Variants in RYR2 observed in about 807,000 individuals in gnomAD.
The protein encoded by RYR2 is ryanodine receptor 2.
In RYR2, 227 loss-of-function variants were observed where a neutral mutation model predicts 601.1. The observed-to-expected ratio is 0.38, with a 90% CI of 0.34 to 0.42. RYR2 has a LOEUF of 0.42. RYR2 is among the 10% of genes least tolerant of loss of function. The probability of loss-of-function intolerance (pLI) is 1.00; values close to 1 mark genes in which losing one functional copy is unlikely to be tolerated. For synonymous variants in RYR2, 2,223 were observed against 2,175.1 expected, an observed-to-expected ratio of 1.02 and a Z score of -0.61; for missense variants, 4,646 against 6,156.5, an observed-to-expected ratio of 0.75 and a Z score of 8.21.
At chr1:237,356,608 C>T (rs959992168) in intron 4 of RYR2, among the ~76,000 whole-genome samples, 3 of 151,938 alleles carry the variant, frequency 2.0e-5, no homozygotes, top group East Asian at 1.9e-4. Flanking sequence ...TGTAGAAAAA[C>T]GCAGTTACAG....
chr1:237,496,250 AAAAG>A (rs1482706115), intron 19 of RYR2, among the ~76,000 whole-genome samples: 4 of 152,136 alleles, frequency 2.6e-5, no homozygotes, highest in African/African-American at 7.2e-5. Context: ...CTAAAAATAA[AAAAG>A]AAAATTAGTT....
intron 92 of RYR2, among the ~76,000 whole-genome samples, chr1:237,790,248 A>C (rs1041647869): frequency 3.3e-5 from 5 of 152,136 alleles, no homozygotes; most frequent in African/African-American, 1.2e-4. Context: ...CCAAATTCAG[A>C]AGGTATCATC....
intron 14 of RYR2, among the ~76,000 whole-genome samples, chr1:237,454,158 G>T (rs1440444112): frequency 6.6e-6 from 1 of 152,060 alleles, no homozygotes; most frequent in Non-Finnish European, 1.5e-5. Flanking sequence ...TAGCCTATGA[G>T]GTTATTCTCT....
intron 68 of RYR2, among the ~76,000 whole-genome samples, chr1:237,708,345 C>G (rs1688553107): frequency 6.6e-6 from 1 of 152,052 alleles, no homozygotes; most frequent in African/African-American, 2.4e-5. Flanking sequence ...GGAAAAAAGT[C>G]ATTTTAAAAA....
intron 1 of RYR2, among the ~76,000 whole-genome samples, chr1:237,189,660 A>G (rs944755407): frequency 7.9e-5 from 12 of 152,180 alleles, no homozygotes; most frequent in African/African-American, 2.9e-4. Flanking sequence ...AGGGCCTCCA[A>G]CAGAAATTGA....
intron 84 of RYR2, among the ~76,000 whole-genome samples, chr1:237,763,572 C>A (rs1187563212): frequency 6.6e-6 from 1 of 152,184 alleles, no homozygotes; most frequent in African/African-American, 2.4e-5. Flanking sequence ...AACTAATATA[C>A]TAGCAAAGAT....
chr1:237,694,033 G>A (rs926974631), intron 63 of RYR2, among the ~76,000 whole-genome samples: 3 of 152,256 alleles, frequency 2.0e-5, no homozygotes, highest in Middle Eastern at 3.4e-3. Flanking sequence ...GGTGGCTCAC[G>A]CCTGTAATCC....
At chr1:237,168,308 G>T (rs1039117162) in intron 1 of RYR2, among the ~76,000 whole-genome samples, 2 of 152,014 alleles carry the variant, frequency 1.3e-5, no homozygotes, top group African/African-American at 4.8e-5. Context: ...CTTCATGCAG[G>T]GGGTGCTGGG....
chr1:237,328,453 C>T (rs1696377927), intron 2 of RYR2, among the ~76,000 whole-genome samples: 1 of 152,144 alleles, frequency 6.6e-6, no homozygotes, highest in Non-Finnish European at 1.5e-5. Flanking sequence ...GTCTGGCCAA[C>T]TGCAGACTTT....
chr1:237,614,407 G>A lies in RYR2; in HGVS notation c.5279G>A (p.Arg1760Gln), dbSNP rs765106198. ...GGCCTCAGCACCTCCCTCAGGCCAC[G>A]GATGCAGTTTTCCTCCCCCAGTTTT... The part of the protein sequence containing the change: ...GIGLSTSLRP[R>Q]MQFSSPSFVS... The change falls in exon 37 of 105, where the codon CGG (arginine) becomes CAG (glutamine). Residue 1760 changes from arginine to glutamine, a missense_variant. Physicochemically the swap from Arg to Gln is conservative, Grantham distance 43. This residue lies in a region of RYR2 where 1,807 missense variants were observed against 2,088.1 expected (regional missense o/e 0.87). Transcript: ENST00000366574. This position sits in a 1 kb window ranked among gnomAD's most constrained non-coding sequence, Gnocchi z 4.3. 6.2e-6 allele frequency: 10 copies of A among 1,613,850 alleles called. No homozygotes were observed. In the East Asian group the frequency reaches 1.6e-4, roughly 25 times the overall value.
At chr1:237,186,464 C>T (rs1679348383) in intron 1 of RYR2, among the ~76,000 whole-genome samples, 1 of 152,180 alleles carries the variant, frequency 6.6e-6, no homozygotes, top group South Asian at 2.1e-4. Context: ...CTCAATTGAA[C>T]ACCTGGAGCT....
intron 2 of RYR2, among the ~76,000 whole-genome samples, chr1:237,305,422 G>A (rs994909845): frequency 2.6e-5 from 4 of 151,994 alleles, no homozygotes; most frequent in Non-Finnish European, 5.9e-5. Context: ...TTATATAAAG[G>A]GCAGAACTCA....
chr1:237,245,567 A>G (rs1216659907), intron 1 of RYR2, among the ~76,000 whole-genome samples: 2 of 152,322 alleles, frequency 1.3e-5, no homozygotes, highest in Non-Finnish European at 1.5e-5. Flanking sequence ...GACTGTTAAT[A>G]TAAATTAAGA....
At chr1:237,061,422 C>A (rs1472306977) in intron 1 of RYR2, among the ~76,000 whole-genome samples, 1 of 152,096 alleles carries the variant, frequency 6.6e-6, no homozygotes, top group African/African-American at 2.4e-5. Context: ...GGCTCAAGGG[C>A]TCTTTCTGCC....
chr1:237,242,428 A>G (rs150223312), intron 1 of RYR2, among the ~76,000 whole-genome samples: 1 of 152,106 alleles, frequency 6.6e-6, no homozygotes, highest in Non-Finnish European at 1.5e-5. Flanking sequence ...CTAGACCAGG[A>G]CAATTTTAGG....
intron 35 of RYR2, among the ~76,000 whole-genome samples, chr1:237,604,933 G>T (rs929542893): frequency 1.8e-4 from 28 of 152,138 alleles, no homozygotes; most frequent in African/African-American, 6.5e-4. Context: ...ATAATTAATA[G>T]CCTACCAACC....
chr1:237,558,391 A>G (rs2148176305), intron 27 of RYR2, among the ~76,000 whole-genome samples: 1 of 152,354 alleles, frequency 6.6e-6, no homozygotes, highest in South Asian at 2.1e-4. Context: ...TAGAATTCTC[A>G]GCTGACAATT....
rs1553327310 is a variant in RYR2 at position 237,792,368 on chromosome 1, T to TGTGCGCGC, written c.13782+48_13782+49insCGCGCGTG. On this transcript the variant is annotated intron_variant, in intron 94 of 104. Coordinates refer to ENST00000366574, the MANE Select transcript of RYR2 (RefSeq NM_001035.3). ...AGGTACCTGTGTGTGTGTGTGTGTGTGTGTGTGTGTGTGCGTGTGTGTGTG... is the reference window on the plus strand; with the variant it reads ...AGGTACCTGTGTGTGTGTGTGTGTGTGTGCGCGCGTGTGTGTGTGTGCGTGTGTGTGTG... 13 of 928,502 alleles carry TGTGCGCGC rather than the reference T, an allele frequency of 1.4e-5. No homozygotes were observed. In the African/African-American group the frequency reaches 1.8e-4, roughly 13 times the overall value. 57.5% of individuals were successfully genotyped at this position (928,502 alleles called of 1,614,324 possible).
intron 53 of RYR2, among the ~76,000 whole-genome samples, chr1:237,656,888 C>T (rs1038506720): frequency 2.0e-5 from 3 of 152,190 alleles, no homozygotes; most frequent in African/African-American, 4.8e-5. Context: ...CCCCCATCCC[C>T]CAGTATTTGG....
Sources: gnomAD v4.1 joint callset for allele counts (sites outside exome capture counted in the v4.1 genomes callset) on GRCh38, gnomAD v4.1.1 for gene constraint, gnomAD v4.1.1 regional missense constraint, Gnocchi (gnomAD v3.1) non-coding constraint, MANE v1.5 for transcripts, NCBI Gene and HGNC (gene_info 2026-07-23, HGNC 2026-07-21) for gene names.